Variants in UGT2A1 observed in about 807,000 individuals in gnomAD.
UGT2A1 encodes the protein UDP glucuronosyltransferase family 2 member A1 complex locus, also known as UDP-glucuronosyltransferase 2A1.
A neutral mutation model predicts 45.4 loss-of-function variants in UGT2A1; 61 were observed. The ratio of observed to expected loss-of-function variants is 1.34; its 90% CI spans 1.09 to 1.66. UGT2A1 has a LOEUF of 1.66. Ranked by LOEUF, UGT2A1 falls within the 40% of genes most tolerant of loss-of-function variation. The pLI, the probability that UGT2A1 is intolerant of heterozygous loss-of-function variation, is 0.00. For synonymous variants in UGT2A1, 229 were observed against 196.2 expected (o/e 1.17, Z -1.40); for missense variants, 649 against 574.3 (o/e 1.13, Z -1.33).
chr4:69,625,883 C>A (rs931676073), intron 3 of UGT2A1, among the ~76,000 whole-genome samples: 1 of 151,324 alleles, frequency 6.6e-6, no homozygotes, highest in Non-Finnish European at 1.5e-5. Flanking sequence ...ATTCTTTAAC[C>A]CAGATACAAG....
chr4:69,592,791 C>A (rs1474610679), intron 6 of UGT2A1, among the ~76,000 whole-genome samples: 5 of 151,640 alleles, frequency 3.3e-5, no homozygotes, highest in Admixed American at 3.3e-4. Flanking sequence ...AAATAAAAGG[C>A]ATTCAAAGAA....
intron 3 of UGT2A1, among the ~76,000 whole-genome samples, chr4:69,618,824 C>A (rs1720566118): frequency 1.3e-5 from 2 of 151,714 alleles, no homozygotes; most frequent in Admixed American, 1.3e-4. Flanking sequence ...TATGAAACAA[C>A]TATTAAATGA....
rs759365334 is a variant in UGT2A1 at position 69,602,952 on chromosome 4, C to A, written c.848-3558G>T. Among the ~76,000 whole-genome samples, 6 of 135,092 alleles carry A rather than the reference C, an allele frequency of 4.4e-5. 2 individuals are homozygous for A. Among genetic ancestry groups the A allele is most frequent in the African/African-American group, 1.5e-4 (5 of 33,224 alleles). The allele number at this position is 135,092 out of a possible 152,430, so 88.6% of individuals were successfully genotyped here. A position where few individuals can be genotyped will look rare whatever the true frequency, so the allele number is the denominator to read the frequency against. On this transcript the variant is annotated intron_variant, in intron 3 of 6. Coordinates refer to ENST00000286604, the MANE Select transcript of UGT2A1 (RefSeq NM_001252275.3). ...GCGTGGTGGCAGGTGCCTGTAATCCCAGATACTCTAGAGGCTGAGGCAGAG... is the reference window on the plus strand; with the variant it reads ...GCGTGGTGGCAGGTGCCTGTAATCCAAGATACTCTAGAGGCTGAGGCAGAG...
chr4:69,610,013 G>C (rs1184178667), intron 3 of UGT2A1, among the ~76,000 whole-genome samples: 2 of 152,082 alleles, frequency 1.3e-5, no homozygotes, highest in Non-Finnish European at 2.9e-5. Context: ...ATAACTAGCA[G>C]ACCTATAAAG....
At chr4:69,648,614 C>G (rs1040930629) in intron 1 of UGT2A1, among the ~76,000 whole-genome samples, 1 of 151,792 alleles carries the variant, frequency 6.6e-6, no homozygotes, top group African/African-American at 2.4e-5. Flanking sequence ...ATAATTACTC[C>G]CACATCAAAG....
At chr4:69,610,805 G>T (rs902530871) in intron 3 of UGT2A1, among the ~76,000 whole-genome samples, 1 of 152,160 alleles carries the variant, frequency 6.6e-6, no homozygotes, top group Non-Finnish European at 1.5e-5. Flanking sequence ...TGGACGTCTA[G>T]CCATCAGAAC....
intron 1 of UGT2A1, among the ~76,000 whole-genome samples, chr4:69,648,783 A>G (rs890784724): frequency 6.6e-6 from 1 of 152,056 alleles, no homozygotes; most frequent in Non-Finnish European, 1.5e-5. Context: ...ATGTACCCAA[A>G]CAGGACAACT....
chr4:69,643,774 C>G (rs1722141567), intron 2 of UGT2A1, among the ~76,000 whole-genome samples: 1 of 151,536 alleles, frequency 6.6e-6, no homozygotes. Flanking sequence ...TCAGGTGAGG[C>G]TGTTCGAGGC....
At chr4:69,601,474 T>TTG (rs1168152208) in intron 3 of UGT2A1, among the ~76,000 whole-genome samples, 28 of 152,260 alleles carry the variant, frequency 1.8e-4, no homozygotes, top group African/African-American at 6.7e-4. Flanking sequence ...AAGTGCCACC[T>TTG]CTTGGCTAGA....
chr4:69,589,796 G>A (rs1007710677), intron 6 of UGT2A1, 145 bp from the exon 7 acceptor site: 2 of 1,254,610 alleles, frequency 1.6e-6, no homozygotes, highest in African/African-American at 3.0e-5. Context: ...TTTGTTAGTT[G>A]TATAGGATTT....
intron 3 of UGT2A1, among the ~76,000 whole-genome samples, chr4:69,608,294 ATCATTC>A (rs1378722405): frequency 6.6e-6 from 1 of 150,456 alleles, no homozygotes; most frequent in Non-Finnish European, 1.5e-5. Context: ...GCTGGAAACC[ATCATTC>A]TCAGCAAACT....
chr4:69,596,287 T>G (rs748997064), intron 4 of UGT2A1: 13 of 1,608,074 alleles, frequency 8.1e-6, no homozygotes, highest in Non-Finnish European at 1.0e-5. Flanking sequence ...GGCAATAAGA[T>G]TGGCCTTTTC....
rs755170604 is a variant in UGT2A1, at chr4:69,595,139, C to G, written c.1084+23G>C. On this transcript the variant is annotated intron_variant, in intron 5 of 6. Coordinates refer to ENST00000286604, the MANE Select transcript of UGT2A1 (RefSeq NM_001252275.3). ...ACTTGTCTATTGTCCCACTGTACAG[C>G]TTTTCTTTCCCCACAGTCTTACCAA... is the stretch of plus-strand genomic sequence containing the variant. The G allele has an allele frequency of 1.9e-6, 3 of 1,613,446 alleles. No homozygotes were observed. The East Asian group carries it at 6.7e-5, about 36-fold the overall frequency.
intron 6 of UGT2A1, among the ~76,000 whole-genome samples, chr4:69,590,992 C>T (rs1259508763): frequency 6.6e-6 from 1 of 152,138 alleles, no homozygotes; most frequent in East Asian, 1.9e-4. Flanking sequence ...ATATACTCTA[C>T]ACTATACCTT....
At chr4:69,605,524 G>C (rs1369671040) in intron 3 of UGT2A1, among the ~76,000 whole-genome samples, 1 of 136,170 alleles carries the variant, frequency 7.3e-6, no homozygotes, top group Non-Finnish European at 1.6e-5. Flanking sequence ...AGAGAAGCAA[G>C]AGCATAACAC....
chr4:69,612,444 T>C (rs1720120036), intron 3 of UGT2A1, among the ~76,000 whole-genome samples: 1 of 151,684 alleles, frequency 6.6e-6, no homozygotes, highest in Admixed American at 6.6e-5. Flanking sequence ...ATAGCCAAAG[T>C]AAAGAACTAA....
chr4:69,650,514 T>C (rs1473279834), intron 1 of UGT2A1, among the ~76,000 whole-genome samples: 1 of 151,684 alleles, frequency 6.6e-6, no homozygotes, highest in Non-Finnish European at 1.5e-5. Flanking sequence ...AAAATGAAAA[T>C]TAAAAACAAC....
intron 3 of UGT2A1, among the ~76,000 whole-genome samples, chr4:69,631,657 G>A (rs998471080): frequency 2.0e-5 from 3 of 152,176 alleles, no homozygotes; most frequent in African/African-American, 7.2e-5. Flanking sequence ...GGAGAGGAGT[G>A]TGTACATGGG....
rs777620641 is a variant in UGT2A1 at position 69,594,626 on chromosome 4, T to C, written c.1155A>G (p.Gly385=). Residue 385 remains glycine, a synonymous_variant, in exon 6 of 7, where the codon GGA becomes GGG. Transcript: ENST00000286604. ...TNGIYEAIYH[G]VPMVGVPMFA... ...ACATGGGAACTCCCACCATAGGGAC[T>C]CCGTGGTAAATAGCTTCGTAGATCC... 6.2e-7 allele frequency: 1 copy of C among 1,614,124 alleles called. No homozygotes were observed. The highest frequency in any genetic ancestry group is 2.2e-5 in the East Asian group (1 of 44,870).
Sources: gnomAD v4.1 joint callset for allele counts (sites outside exome capture counted in the v4.1 genomes callset) on GRCh38, gnomAD v4.1.1 for gene constraint, MANE v1.5 for transcripts, NCBI Gene and HGNC (gene_info 2026-07-23, HGNC 2026-07-21) for gene names.